The following ARHGEF18 variants were observed in gnomAD, a reference collection of about 807,000 sequenced individuals.
ARHGEF18 encodes the protein Rho/Rac guanine nucleotide exchange factor 18, also known as rho guanine nucleotide exchange factor 18.
Under a neutral mutation model 155.7 loss-of-function variants are expected in ARHGEF18, and 93 were observed. That is an observed-to-expected ratio of 0.60 (90% CI 0.50 to 0.71). The LOEUF is 0.71. ARHGEF18 is among the 30% of genes least tolerant of loss of function. The pLI is 0.00. For synonymous variants in ARHGEF18, 742 were observed against 753.1 expected (o/e 0.99, Z 0.24); for missense variants, 1,593 against 1,816.1 (o/e 0.88, Z 2.23).
chr19:7,469,849 C>T (rs372685209), intron 27 of ARHGEF18, 55 bp from the exon 28 acceptor site: 62 of 1,589,368 alleles, frequency 3.9e-5, no homozygotes, highest in South Asian at 3.3e-4. Flanking sequence ...GCTGCCCTGG[C>T]GGGTGGGGAC....
Position 7,424,919 on chromosome 19 carries a change from G to A in ARHGEF18, c.968-15425G>A, listed in dbSNP as rs143439202. On this transcript the variant is annotated intron_variant, in intron 10 of 28. Transcript: ENST00000668164. ...TGAGGCAGGAGAATCGCTGGAACCC[G>A]GGAGGCAGAGGTTGCAGTGAGCCGA... is the stretch of plus-strand genomic sequence containing the variant. Among the ~76,000 whole-genome samples, 141 of 151,890 alleles carry A rather than the reference G, an allele frequency of 9.3e-4. No individual in the cohort carries two copies. The East Asian group carries it at 0.024, about 26-fold the overall frequency.
At chr19:7,425,836 C>CA (rs1425660821) in intron 10 of ARHGEF18, among the ~76,000 whole-genome samples, 4 of 151,528 alleles carry the variant, frequency 2.6e-5, no homozygotes, top group African/African-American at 7.3e-5. Flanking sequence ...CCTGTCTCTA[C>CA]AAAAAACATA....
intron 10 of ARHGEF18, among the ~76,000 whole-genome samples, chr19:7,397,124 A>T (rs906428287): frequency 2.0e-4 from 30 of 148,972 alleles, no homozygotes; most frequent in African/African-American, 5.7e-4. Context: ...AAAAATGAAG[A>T]TGTGTTTGTT....
At chr19:7,459,202 C>T (rs746697148) in intron 19 of ARHGEF18, among the ~76,000 whole-genome samples, 5 of 151,434 alleles carry the variant, frequency 3.3e-5, no homozygotes, top group African/African-American at 7.3e-5. Context: ...TGAGCCACTG[C>T]GCCCAGCCTA....
intron 16 of ARHGEF18, among the ~76,000 whole-genome samples, chr19:7,452,090 C>A (rs1975518448): frequency 1.3e-5 from 2 of 152,226 alleles, no homozygotes; most frequent in African/African-American, 4.8e-5. Flanking sequence ...GGAGCCAGGT[C>A]TCATTTGCCA....
Position 7,431,683 on chromosome 19 carries a change from G to T in ARHGEF18, c.968-8661G>T, listed in dbSNP as rs529488452. On this transcript the variant is annotated intron_variant, in intron 10 of 28. Transcript: ENST00000668164. ...ATACAAAATTAGCGGGCGTGGCGGC[G>T]CATGCCTGTAATCCCAGCTACTCGG... Among the ~76,000 whole-genome samples the T allele has an allele frequency of 1.1e-4, 17 of 152,186 alleles. No homozygotes were observed. The South Asian group carries it at 3.1e-3, about 28-fold the overall frequency.
At chr19:7,383,035 C>T (rs1385729658) in intron 9 of ARHGEF18, 27 bp from the exon 10 acceptor site, 2 of 1,232,210 alleles carry the variant, frequency 1.6e-6, no homozygotes, top group Admixed American at 8.4e-5. Context: ...CAGAGGGCAT[C>T]CTGAGACCCA....
intron 20 of ARHGEF18, among the ~76,000 whole-genome samples, chr19:7,461,662 A>C (rs1006068478): frequency 6.6e-6 from 1 of 151,996 alleles, no homozygotes; most frequent in African/African-American, 2.4e-5. Context: ...CTCACACCCT[A>C]CTGTGTTTGA....
At chr19:7,424,791 C>T (rs1019755089) in intron 10 of ARHGEF18, among the ~76,000 whole-genome samples, 3 of 152,014 alleles carry the variant, frequency 2.0e-5, no homozygotes, top group Non-Finnish European at 2.9e-5. Flanking sequence ...TTCAGGAGAT[C>T]GGGACCATCC....
chr19:7,453,637 C>T lies in ARHGEF18; in HGVS notation c.2026C>T (p.Arg676Cys), dbSNP rs756499530. 6 of 1,611,806 alleles carry T rather than the reference C, an allele frequency of 3.7e-6. No individual in the cohort carries two copies. Among genetic ancestry groups the T allele is most frequent in the Non-Finnish European group, 4.2e-6 (5 of 1,178,264 alleles). The change falls in exon 17 of 29, where the codon CGC (arginine) becomes TGC (cysteine). Residue 676 changes from arginine to cysteine, a missense_variant. By Grantham distance (180) the Arg-to-Cys change is radical. Transcript: ENST00000668164. ...CAAACTCAAGAACGGGCTCACCTTC[C>T]GCAAGGAAGACATGCTTCAGCGGCA... ...SSKLKNGLTF[R>C]KEDMLQRQLH... is the part of the protein sequence containing the mutation.
rs35712455 is a variant in ARHGEF18, at chr19:7,458,297, T to TAAA, written c.2182-194_2182-192dup. 1.2e-4 allele frequency among the ~76,000 whole-genome samples: 11 copies of TAAA among 92,334 alleles called. No homozygotes were observed. The South Asian group carries it at 1.2e-3, about 10-fold the overall frequency. The allele number at this position is 92,334 out of a possible 152,430, so 60.6% of individuals were successfully genotyped here. ...GCAAGACCTGGCCTCCAAGATAGTT[T>TAAA]AAAAAAAAAAAAAAAAAAAAAAAGG... On this transcript the variant is annotated intron_variant, in intron 18 of 28. Transcript: ENST00000668164.
chr19:7,399,542 C>A (rs369215705), intron 10 of ARHGEF18, among the ~76,000 whole-genome samples: 1 of 150,100 alleles, frequency 6.7e-6, no homozygotes, highest in East Asian at 2.0e-4. Flanking sequence ...AGTGCAGTGG[C>A]GCGATCTTGG....
intron 2 of ARHGEF18, among the ~76,000 whole-genome samples, chr19:7,368,482 T>C (rs1201680895): frequency 6.6e-6 from 1 of 152,052 alleles, no homozygotes; most frequent in Non-Finnish European, 1.5e-5. Flanking sequence ...AGCTCCAAAA[T>C]AAAAGATGAG....
chr19:7,367,803 CATATATATATTTT>C lies in ARHGEF18; in HGVS notation c.15+4909_15+4921del, dbSNP rs1171966038. Among the ~76,000 whole-genome samples, 13 of 100,020 alleles carry C rather than the reference CATATATATATTTT, an allele frequency of 1.3e-4. 1 individual carries two copies. Among genetic ancestry groups the C allele is most frequent in the Middle Eastern group, 5.0e-3 (1 of 200 alleles). 65.6% of individuals were successfully genotyped at this position (100,020 alleles called of 152,430 possible). A position where few individuals can be genotyped will look rare whatever the true frequency, so the allele number is the denominator to read the frequency against. On this transcript the variant is annotated intron_variant, in intron 2 of 28. Transcript: ENST00000668164. The stretch of plus-strand genomic sequence containing the variant: ...TATATATATTTTATATATATATACA[CATATATATATTTT>C]ATATATATATACACATATATATATT...
intron 1 of ARHGEF18, among the ~76,000 whole-genome samples, chr19:7,352,406 G>A (rs1380495338): frequency 6.6e-6 from 1 of 151,498 alleles, no homozygotes; most frequent in East Asian, 1.9e-4. Context: ...ATTGCTAAGA[G>A]CTACATTCAG....
chr19:7,363,519 TGGAA>T (rs1157482554), intron 2 of ARHGEF18, among the ~76,000 whole-genome samples: 1 of 149,696 alleles, frequency 6.7e-6, no homozygotes, highest in East Asian at 2.0e-4. Context: ...GGTGGGTGAA[TGGAA>T]GGAAGGAAGA....
Position 7,460,976 on chromosome 19 carries a change from A to G in ARHGEF18, c.2452+982A>G, listed in dbSNP as rs571938405. Among the ~76,000 whole-genome samples the G allele has an allele frequency of 2.6e-4, 39 of 151,738 alleles. 1 individual carries two copies. The highest frequency in any genetic ancestry group is 5.2e-4 in the Non-Finnish European group (35 of 67,910). Reference sequence around the variant, plus strand: ...ACTAATTTTTGTGTTTTTAGTAGAGATGGGGTTTCACCATGTTGGCCAGGA... The same window carrying G: ...ACTAATTTTTGTGTTTTTAGTAGAGGTGGGGTTTCACCATGTTGGCCAGGA... On this transcript the variant is annotated intron_variant, in intron 20 of 28. Coordinates refer to ENST00000668164, the MANE Select transcript of ARHGEF18 (RefSeq NM_001367823.1).
At chr19:7,378,315 T>C (rs1785093131) in intron 5 of ARHGEF18, 79 bp from the exon 6 acceptor site, 2 of 1,130,812 alleles carry the variant, frequency 1.8e-6, no homozygotes, top group African/African-American at 3.2e-5. Flanking sequence ...CAGGGTGGCA[T>C]CCGGGAGGGC....
At chr19:7,431,529 A>AAAAAAAAAAAAAAAAAAAAAAAAAAAAAG (rs901539858) in intron 10 of ARHGEF18, among the ~76,000 whole-genome samples, 4 of 146,958 alleles carry the variant, frequency 2.7e-5, no homozygotes, top group Non-Finnish European at 6.1e-5. Context: ...AAAAAAAAAA[A>AAAAAAAAAAAAAAAAAAAAAAAAAAAAAG]AAAAGGCCGG....
Sources: gnomAD v4.1 joint callset for allele counts (sites outside exome capture counted in the v4.1 genomes callset) on GRCh38, gnomAD v4.1.1 for gene constraint, MANE v1.5 for transcripts, NCBI Gene and HGNC (gene_info 2026-07-23, HGNC 2026-07-21) for gene names.